Variants in CTNND1 observed in about 807,000 individuals in gnomAD.
CTNND1 encodes the protein catenin delta-1.
CTNND1 carries 16 observed loss-of-function variants against 112.1 expected under a neutral mutation model. The ratio of observed to expected loss-of-function variants is 0.14; its 90% confidence interval spans 0.10 to 0.22. CTNND1 has a LOEUF of 0.22. Ranked by LOEUF, CTNND1 falls within the 10% of genes least tolerant of loss-of-function variation. The pLI is 1.00. For missense variants in CTNND1, 1,008 were observed against 1,257.0 expected, an observed-to-expected ratio of 0.80 and a Z score of 3.00; for synonymous variants, 420 against 446.5, an observed-to-expected ratio of 0.94 and a Z score of 0.75.
Position 57,789,169 on chromosome 11 carries a change from T to TA in CTNND1, c.-95+15dup. 7.1e-7 allele frequency: 1 copy of TA among 1,417,238 alleles called. No individual in the cohort carries two copies. Among genetic ancestry groups the TA allele is most frequent in the African/African-American group, 1.4e-5 (1 of 69,348 alleles). 87.8% of individuals were successfully genotyped at this position (1,417,238 alleles called of 1,614,324 possible). On this transcript the variant is annotated intron_variant, in intron 2 of 20. Transcript: ENST00000399050. Reference sequence around the variant, plus strand: ...TTCTCTTAACAGGTGTGTATGGAAATATGTTTATTAAGAAGGAAAAATCTT... The same window carrying TA: ...TTCTCTTAACAGGTGTGTATGGAAATAATGTTTATTAAGAAGGAAAAATCTT...
chr11:57,784,118 G>T (rs1307113271), intron 1 of CTNND1, among the ~76,000 whole-genome samples: 1 of 151,614 alleles, frequency 6.6e-6, no homozygotes, highest in Non-Finnish European at 1.5e-5. Context: ...GTGGGGTTTT[G>T]CCATGTTGCC....
intron 1 of CTNND1, among the ~76,000 whole-genome samples, chr11:57,767,246 C>G (rs1951343161): frequency 6.6e-6 from 1 of 151,992 alleles, no homozygotes; most frequent in Non-Finnish European, 1.5e-5. Context: ...CAGTCTTGAG[C>G]CACTGCGCCC....
At chr11:57,812,319 A>C (rs1205074412) in intron 17 of CTNND1, among the ~76,000 whole-genome samples, 1 of 152,198 alleles carries the variant, frequency 6.6e-6, no homozygotes, top group African/African-American at 2.4e-5. Flanking sequence ...CAGGAGTTCA[A>C]GATCAGCCTG....
Position 57,808,422 on chromosome 11 carries a change from A to G in CTNND1, c.2124A>G (p.Gln708=). The G allele has an allele frequency of 6.2e-7, 1 of 1,611,884 alleles. No individual in the cohort carries two copies. Among genetic ancestry groups the G allele is most frequent in the East Asian group, 2.2e-5 (1 of 44,866 alleles). The change falls in exon 14 of 21, where the codon CAA becomes CAG. Residue 708 remains glutamine, a synonymous_variant. Coordinates refer to ENST00000399050, the MANE Select transcript of CTNND1 (RefSeq NM_001085458.2). Reference sequence around the variant, plus strand: ...GATACATCCGCTCTGCTCTGCGTCAAGAGAAGGCTCTTTCTGCCATAGCTG... The same window carrying G: ...GATACATCCGCTCTGCTCTGCGTCAGGAGAAGGCTCTTTCTGCCATAGCTG... ...YGRYIRSALR[Q]EKALSAIADL...
At position 57,800,290 on chromosome 11, in the gene CTNND1, TAG is replaced by T. The variant is rs2061864889; in HGVS notation, c.957-1440_957-1439del. ...GACCTTTTTTTTTTTTTCTTCGAAA[TAG>T]AGTCTCGCTCTGTCACTTAGGCTGG... On this transcript the variant is annotated intron_variant, in intron 6 of 20. Coordinates refer to ENST00000399050, the MANE Select transcript of CTNND1 (RefSeq NM_001085458.2). 5.9e-5 allele frequency among the ~76,000 whole-genome samples: 9 copies of T among 151,292 alleles called. No individual in the cohort carries two copies. The South Asian group carries it at 1.7e-3, about 28-fold the overall frequency.
At chr11:57,802,307 G>A (rs531477087) in intron 7 of CTNND1, 111 bp downstream of exon 7, 13 of 949,026 alleles carry the variant, frequency 1.4e-5, no homozygotes, top group East Asian at 1.2e-4. Flanking sequence ...GTGAACTGGT[G>A]GCTGTGGGTC....
At chr11:57,765,167 G>A (rs531142818) in intron 1 of CTNND1, among the ~76,000 whole-genome samples, 67 of 152,302 alleles carry the variant, frequency 4.4e-4, no homozygotes, top group Non-Finnish European at 8.4e-4. Context: ...GCAGGGACAG[G>A]CTTGTAGGAG....
chr11:57,774,325 G>A (rs543870612), intron 1 of CTNND1, among the ~76,000 whole-genome samples: 6 of 152,188 alleles, frequency 3.9e-5, no homozygotes, highest in African/African-American at 1.4e-4. Flanking sequence ...TTCCTTGAAG[G>A]CCATCTAAGA....
chr11:57,763,420 ATTT>A, intron 1 of CTNND1, among the ~76,000 whole-genome samples: 1 of 152,162 alleles, frequency 6.6e-6, no homozygotes, highest in African/African-American at 2.4e-5. Context: ...CCTGCCACAA[ATTT>A]TTTTAAGACT....
At chr11:57,805,784 A>G in intron 9 of CTNND1, 98 bp from the exon 10 acceptor site, 1 of 1,360,674 alleles carries the variant, frequency 7.3e-7, no homozygotes, top group South Asian at 1.4e-5. Context: ...TATGCATTTG[A>G]AGATCAACAT....
At chr11:57,793,380 T>C (rs1032199670) in intron 3 of CTNND1, 1 of 152,284 alleles carries the variant, frequency 6.6e-6, no homozygotes, top group African/African-American at 2.4e-5. Context: ...CCTTCTGTTT[T>C]CTTGAGGGGA....
rs980184183 is a variant in CTNND1 at position 57,810,305 on chromosome 11, C to T, written c.2550+82C>T. On this transcript the variant is annotated intron_variant, in intron 16 of 20. Transcript: ENST00000399050. The stretch of plus-strand genomic sequence containing the variant: ...TGCTTCTGTTTTCTTTCGTTTCTTC[C>T]ATTTCACCATCATGCTAAACCTATT... The T allele has an allele frequency of 6.9e-6, 7 of 1,014,248 alleles. No individual in the cohort carries two copies. The African/African-American group carries it at 1.2e-4, about 17-fold the overall frequency. The allele number at this position is 1,014,248 out of a possible 1,614,324, so 62.8% of individuals were successfully genotyped here.
intron 8 of CTNND1, 93 bp downstream of exon 8, chr11:57,803,897 A>G (rs983178263): frequency 2.4e-5 from 25 of 1,031,992 alleles, no homozygotes; most frequent in Admixed American, 3.0e-5. Flanking sequence ...TCTTTAGCCT[A>G]TTCTTTAGCC....
chr11:57,791,625 A>G lies in CTNND1; in HGVS notation c.147A>G (p.Gln49=), dbSNP rs778696268. Reference sequence around the variant, plus strand: ...TGGAACGCGTCCGGGTCTCACCACAAGATGCCAACCCACTCATGGCCAACG... The same window carrying G: ...TGGAACGCGTCCGGGTCTCACCACAGGATGCCAACCCACTCATGGCCAACG... The part of the protein sequence containing the change: ...AQLERVRVSP[Q]DANPLMANGT... Residue 49 remains glutamine (Q), a synonymous_variant, in exon 3 of 21, where the codon CAA becomes CAG. Coordinates refer to ENST00000399050, the MANE Select transcript of CTNND1 (RefSeq NM_001085458.2). 1 of 1,602,732 alleles carries G rather than the reference A, an allele frequency of 6.2e-7. No individual in the cohort carries two copies. Among genetic ancestry groups the G allele is most frequent in the Non-Finnish European group, 8.5e-7 (1 of 1,173,856 alleles).
intron 13 of CTNND1, 31 bp from the exon 14 acceptor site, chr11:57,808,359 T>C: frequency 1.3e-6 from 2 of 1,598,490 alleles, no homozygotes; most frequent in Non-Finnish European, 1.7e-6. Context: ...CATTTGTAAT[T>C]TGTTCCACCC....
At chr11:57,789,866 C>CATGAAAG (rs1249737964) in intron 2 of CTNND1, among the ~76,000 whole-genome samples, 6 of 152,182 alleles carry the variant, frequency 3.9e-5, no homozygotes, top group Non-Finnish European at 8.8e-5. Flanking sequence ...ATATGAACTA[C>CATGAAAG]TGTGAGGTGC....
intron 2 of CTNND1, among the ~76,000 whole-genome samples, chr11:57,790,204 G>A (rs1436011723): frequency 6.6e-6 from 1 of 151,742 alleles, no homozygotes; most frequent in Non-Finnish European, 1.5e-5. Flanking sequence ...GCCTCGGCTG[G>A]GATTACAGGT....
chr11:57,814,850 G>A (rs75006484), intron 18 of CTNND1, among the ~76,000 whole-genome samples: 67 of 152,160 alleles, frequency 4.4e-4, no homozygotes, highest in Admixed American at 6.5e-4. Flanking sequence ...CCTTCCTAAC[G>A]ATTGCAGCAT....
intron 1 of CTNND1, among the ~76,000 whole-genome samples, chr11:57,776,938 C>G (rs1306451783): frequency 6.6e-6 from 1 of 152,096 alleles, no homozygotes; most frequent in Admixed American, 6.5e-5. Context: ...CTACTAAAAG[C>G]TACTATTTTT....
Sources: allele counts gnomAD v4.1 joint callset (sites outside exome capture counted in the v4.1 genomes callset), GRCh38; gene constraint gnomAD v4.1.1; transcripts MANE v1.5; gene names NCBI Gene and HGNC (gene_info 2026-07-23, HGNC 2026-07-21).